The following SNX25 variants were observed in gnomAD, a reference collection of about 807,000 sequenced individuals.
SNX25 encodes sorting nexin 25, also known as sorting nexin-25.
Under a neutral mutation model 113.7 loss-of-function variants are expected in SNX25, and 62 were observed. The ratio of observed to expected loss-of-function variants is 0.55; its 90% CI spans 0.44 to 0.67. The LOEUF is 0.67. Among genes scored for constraint, SNX25 ranks in the 30% least tolerant of loss-of-function variants. SNX25 has a pLI of 0.00. For synonymous variants in SNX25, 421 were observed against 436.2 expected (o/e 0.97, Z 0.43); for missense variants, 1,014 against 1,161.0 (o/e 0.87, Z 1.84).
intron 6 of SNX25, among the ~76,000 whole-genome samples, chr4:185,299,541 T>C (rs1753336129): frequency 6.6e-6 from 1 of 152,188 alleles, no homozygotes; most frequent in Non-Finnish European, 1.5e-5. Flanking sequence ...ATGCTTGTGC[T>C]GCCTGTCCAG....
At position 185,323,799 on chromosome 4, in the gene SNX25, T is replaced by C. The variant is rs146042127; in HGVS notation, c.1748T>C (p.Met583Thr). The stretch of plus-strand genomic sequence containing the variant: ...CAGATGATTTCCAACAAGGATGAGA[T>C]GGTGAGTCACATTTAACTTTCTGCT... The part of the protein sequence containing the change: ...ASQMISNKDE[M>T]GPRDEAGEEA... Residue 583 changes from methionine to threonine, a missense_variant and splice_region_variant, in exon 9 of 19, where the codon ATG (methionine) becomes ACG (threonine). Transcript: ENST00000652585. The C allele has an allele frequency of 2.5e-6, 4 of 1,611,952 alleles. No individual in the cohort carries two copies. Among genetic ancestry groups the C allele is most frequent in the Middle Eastern group, 1.7e-4 (1 of 6,054 alleles).
chr4:185,221,255 A>G (rs1579335511), intron 1 of SNX25, among the ~76,000 whole-genome samples: 1 of 151,074 alleles, frequency 6.6e-6, no homozygotes, highest in Admixed American at 6.6e-5. Context: ...CTGGTCTTGA[A>G]CTCCTGAGCT....
chr4:185,362,736 T>G, intron 18 of SNX25, 25 bp downstream of exon 18: 1 of 1,573,478 alleles, frequency 6.4e-7, no homozygotes, highest in Non-Finnish European at 8.7e-7. Flanking sequence ...GCCCAGGGGG[T>G]TTCCTGCTTT....
Position 185,240,282 on chromosome 4 carries a change from T to C in SNX25, c.430-7012T>C, listed in dbSNP as rs374422387. ...GGCCCGTTCTCAATGAGCTGTTGAG[T>C]ACACCTCCCAGATGGGGTGGTGGCC... On this transcript the variant is annotated intron_variant, in intron 1 of 18. Transcript: ENST00000652585. Among the ~76,000 whole-genome samples, 279 of 152,184 alleles carry C rather than the reference T, an allele frequency of 1.8e-3. 5 individuals carry two copies. In the East Asian group the frequency reaches 0.037, roughly 20 times the overall value.
chr4:185,205,593 C>A (rs1737152733), upstream of SNX25, among the ~76,000 whole-genome samples: 1 of 152,172 alleles, frequency 6.6e-6, no homozygotes. Context: ...CTTTGAGAGG[C>A]TGAGGTGGGC....
At chr4:185,262,038 C>CTA (rs1747407745) in intron 3 of SNX25, among the ~76,000 whole-genome samples, 1 of 152,160 alleles carries the variant, frequency 6.6e-6, no homozygotes, top group Admixed American at 6.5e-5. Context: ...CCCAGGTAAA[C>CTA]AGTGCTTTGT....
At position 185,332,583 on chromosome 4, in the gene SNX25, C is replaced by A. The variant is rs758263550; in HGVS notation, c.1750-12C>A. ...CATTATAAGATATGGTGGTATGTGA[C>A]TCTCCCCCTAGGGCCCAAGAGATGA... On this transcript the variant is annotated splice_polypyrimidine_tract_variant and intron_variant, in intron 9 of 18. Transcript: ENST00000652585. 2 of 1,599,544 alleles carry A rather than the reference C, an allele frequency of 1.3e-6. No individual in the cohort carries two copies. The highest frequency in any genetic ancestry group is 1.7e-6 in the Non-Finnish European group (2 of 1,172,476).
In SNX25 at chr4:185,351,549, T is replaced by A; in HGVS notation, c.2406T>A (p.Asn802Lys). The change falls in exon 14 of 19, where the codon AAT becomes AAA. Residue 802 changes from asparagine to lysine, a missense_variant. Asn to Lys is a moderately conservative substitution (Grantham distance 94). Transcript: ENST00000652585. ...TTATCGACGTGCAGGGGAAAAAAAA[T>A]TCTTTTTCATTATCCTCATTTTTGG... is the stretch of plus-strand genomic sequence containing the variant. ...LKVIDVQGKK[N>K]SFSLSSFLER... is the part of the protein sequence containing the mutation. The A allele has an allele frequency of 6.2e-7, 1 of 1,614,128 alleles. No individual in the cohort carries two copies.
rs1750978797 is a variant in SNX25, at chr4:185,283,788, G to A, written c.1092-4224G>A. Among the ~76,000 whole-genome samples, 6 of 152,050 alleles carry A rather than the reference G, an allele frequency of 3.9e-5. No individual in the cohort carries two copies. In the South Asian group the frequency reaches 1.2e-3, roughly 32 times the overall value. On this transcript the variant is annotated intron_variant, in intron 5 of 18. Coordinates refer to ENST00000652585, the MANE Select transcript of SNX25 (RefSeq NM_001378034.2). ...ACATAATTCTGGCACCTTATTATGA[G>A]GATTAAGTGAGATAATGTAAATTAA... is the stretch of plus-strand genomic sequence containing the variant.
chr4:185,207,206 C>T (rs1253306107), upstream of SNX25, among the ~76,000 whole-genome samples: 2 of 140,268 alleles, frequency 1.4e-5, no homozygotes, highest in African/African-American at 5.2e-5. Context: ...TTTAACCAGT[C>T]ACACTTTTTT....
intron 13 of SNX25, 124 bp downstream of exon 13, chr4:185,346,774 A>G (rs951342591): frequency 1.6e-6 from 1 of 608,076 alleles, no homozygotes; most frequent in Non-Finnish European, 2.8e-6. Flanking sequence ...TGCTAAAAAA[A>G]TATCTTGGGT....
intron 2 of SNX25, among the ~76,000 whole-genome samples, chr4:185,253,451 CT>C (rs139415626): frequency 4.7e-5 from 7 of 149,980 alleles, no homozygotes; most frequent in Middle Eastern, 3.2e-3. Flanking sequence ...ACATTTCAGA[CT>C]TTTTTTTCTT....
intron 6 of SNX25, among the ~76,000 whole-genome samples, chr4:185,308,974 C>T (rs1754876888): frequency 1.3e-5 from 2 of 152,210 alleles, no homozygotes; most frequent in South Asian, 4.1e-4. Context: ...GTGTCTTTAA[C>T]AACAGCCATT....
intron 12 of SNX25, among the ~76,000 whole-genome samples, chr4:185,346,046 G>A (rs28557103): frequency 0.31 from 46,704 of 151,932 alleles, 9,598 homozygotes; most frequent in African/African-American, 0.59. Flanking sequence ...TTTAGTAGAG[G>A]CAGGGTTTCA....
downstream of SNX25, chr4:185,367,200 G>A (rs563338529): frequency 6.2e-7 from 1 of 1,613,094 alleles, no homozygotes; most frequent in East Asian, 2.2e-5. Flanking sequence ...TGACGAATAA[G>A]TAAGGAGTGA....
At chr4:185,374,091 T>C (rs776162284), downstream of SNX25, 6 of 1,494,974 alleles carry the variant, frequency 4.0e-6, no homozygotes, top group Non-Finnish European at 4.6e-6. Flanking sequence ...GAAACAAATA[T>C]TAATCTAAAT....
chr4:185,258,130 G>C (rs1746722527), intron 2 of SNX25, among the ~76,000 whole-genome samples: 1 of 152,216 alleles, frequency 6.6e-6, no homozygotes, highest in Non-Finnish European at 1.5e-5. Context: ...TTACCCTTGG[G>C]TTGAGATCCA....
chr4:185,229,501 A>C (rs1434848737), intron 1 of SNX25, among the ~76,000 whole-genome samples: 1 of 152,142 alleles, frequency 6.6e-6, no homozygotes, highest in Non-Finnish European at 1.5e-5. Context: ...TCTCTGGTAA[A>C]ATGTTAAAGG....
intron 9 of SNX25, among the ~76,000 whole-genome samples, chr4:185,329,561 G>A (rs549755660): frequency 1.3e-5 from 2 of 152,290 alleles, no homozygotes; most frequent in South Asian, 2.1e-4. Flanking sequence ...CGTGGGTACC[G>A]CTTGAAAGCC....
Sources: gnomAD v4.1 joint callset for allele counts (sites outside exome capture counted in the v4.1 genomes callset) on GRCh38, gnomAD v4.1.1 for gene constraint, MANE v1.5 for transcripts, NCBI Gene and HGNC (gene_info 2026-07-23, HGNC 2026-07-21) for gene names.